Variants in GBE1 observed in about 807,000 individuals in gnomAD.
GBE1 encodes the protein 1,4-alpha-glucan branching enzyme 1, also known as 1,4-alpha-glucan-branching enzyme.
A neutral mutation model predicts 88.8 loss-of-function variants in GBE1; 70 were observed. That is an observed-to-expected ratio of 0.79 (90% CI 0.65 to 0.96). The LOEUF is 0.96. GBE1 is among the 40% of genes least tolerant of loss of function. The probability of loss-of-function intolerance (pLI) is 0.00; values close to 1 mark genes in which losing one functional copy is unlikely to be tolerated. For synonymous variants in GBE1, 284 were observed against 300.1 expected (o/e 0.95, Z 0.56); for missense variants, 872 against 871.0 (o/e 1.00, Z -0.01).
At chr3:81,628,514 G>A (rs1704451441) in intron 7 of GBE1, among the ~76,000 whole-genome samples, 1 of 151,886 alleles carries the variant, frequency 6.6e-6, no homozygotes, top group African/African-American at 2.4e-5. Context: ...TCTGATCAGA[G>A]TTAGGCAAAA....
chr3:81,683,796 G>T (rs1198601736), intron 2 of GBE1, among the ~76,000 whole-genome samples: 5 of 152,130 alleles, frequency 3.3e-5, no homozygotes, highest in African/African-American at 4.8e-5. Flanking sequence ...ACAAAGAATT[G>T]AGGGAGGGAT....
chr3:81,520,331 A>G (rs1702856248), intron 14 of GBE1, among the ~76,000 whole-genome samples: 1 of 151,560 alleles, frequency 6.6e-6, no homozygotes, highest in African/African-American at 2.4e-5. Flanking sequence ...AACGTTTCAA[A>G]CTTTTTCATT....
At chr3:81,639,384 A>G (rs1156875691) in intron 7 of GBE1, among the ~76,000 whole-genome samples, 1 of 151,998 alleles carries the variant, frequency 6.6e-6, no homozygotes, top group South Asian at 2.1e-4. Flanking sequence ...TAACTCTCTG[A>G]TAATTCTCAT....
intron 2 of GBE1, among the ~76,000 whole-genome samples, chr3:81,689,005 T>C (rs866710438): frequency 6.6e-6 from 1 of 152,204 alleles, no homozygotes; most frequent in East Asian, 1.9e-4. Context: ...AAATTATCTA[T>C]GCCCAAACAC....
intron 1 of GBE1, among the ~76,000 whole-genome samples, chr3:81,713,320 T>C (rs1379999525): frequency 6.6e-6 from 1 of 152,160 alleles, no homozygotes; most frequent in South Asian, 2.1e-4. Context: ...GCATTACATG[T>C]GTAAAAATTG....
chr3:81,579,934 T>C (rs994948406), intron 11 of GBE1, among the ~76,000 whole-genome samples: 1 of 152,150 alleles, frequency 6.6e-6, no homozygotes, highest in Non-Finnish European at 1.5e-5. Context: ...CAAATCAGCA[T>C]GGCTGTGTTC....
chr3:81,675,532 T>G (rs1705240291), intron 2 of GBE1, among the ~76,000 whole-genome samples: 1 of 152,072 alleles, frequency 6.6e-6, no homozygotes, highest in Non-Finnish European at 1.5e-5. Flanking sequence ...ACAGATAATA[T>G]TCTCTATGAT....
chr3:81,540,282 A>G (rs1703127718), intron 12 of GBE1, among the ~76,000 whole-genome samples: 1 of 151,970 alleles, frequency 6.6e-6, no homozygotes, highest in East Asian at 1.9e-4. Flanking sequence ...CCTACCCTCA[A>G]TGATATGGAT....
rs920990967 is a variant in GBE1 at position 81,700,461 on chromosome 3, G to A, written c.313+4983C>T. On this transcript the variant is annotated intron_variant, in intron 2 of 15. Coordinates refer to ENST00000429644, the MANE Select transcript of GBE1 (RefSeq NM_000158.4). ...GAAAGAAAAAATATTTAAAACTCAA[G>A]CCCAAGTTTTTGTATTGTAATTATT... Among the ~76,000 whole-genome samples the A allele has an allele frequency of 2.6e-5, 4 of 151,942 alleles. No individual in the cohort carries two copies. The South Asian group carries it at 8.3e-4, about 32-fold the overall frequency.
At chr3:81,711,293 G>C (rs1705861977) in intron 1 of GBE1, among the ~76,000 whole-genome samples, 1 of 152,172 alleles carries the variant, frequency 6.6e-6, no homozygotes, top group African/African-American at 2.4e-5. Context: ...CTTCCTATGG[G>C]AGGCTTGGAT....
intron 9 of GBE1, among the ~76,000 whole-genome samples, 179 bp downstream of exon 9, chr3:81,590,858 T>G (rs1283075338): frequency 6.6e-6 from 1 of 152,076 alleles, no homozygotes; most frequent in East Asian, 1.9e-4. Context: ...TATCTTCTAA[T>G]AGGGAAACAG....
chr3:81,636,991 T>G (rs774619958), intron 7 of GBE1, among the ~76,000 whole-genome samples: 14 of 152,198 alleles, frequency 9.2e-5, no homozygotes, highest in Non-Finnish European at 2.1e-4. Context: ...AGTCCAAGAC[T>G]GCCAGTGGAT....
intron 14 of GBE1, among the ~76,000 whole-genome samples, chr3:81,521,729 T>C (rs1702876792): frequency 6.6e-6 from 1 of 151,528 alleles, no homozygotes; most frequent in Non-Finnish European, 1.5e-5. Context: ...TCTTTTCTAA[T>C]AGGTTAGAGG....
intron 7 of GBE1, among the ~76,000 whole-genome samples, chr3:81,600,304 T>C (rs376256385): frequency 1.3e-5 from 2 of 152,028 alleles, no homozygotes; most frequent in East Asian, 3.9e-4. Context: ...AAATAAGCTA[T>C]TATAATAATT....
intron 14 of GBE1, among the ~76,000 whole-genome samples, chr3:81,504,920 G>A (rs1702634602): frequency 6.6e-6 from 1 of 152,174 alleles, no homozygotes; most frequent in African/African-American, 2.4e-5. Context: ...GAAATTTATT[G>A]TAAGGTACAA....
chr3:81,671,096 C>T, intron 2 of GBE1, 143 bp from the exon 3 acceptor site: 1 of 435,784 alleles, frequency 2.3e-6, no homozygotes, highest in Non-Finnish European at 4.0e-6. Flanking sequence ...AATCAAAATA[C>T]TAGTGGTTTA....
At chr3:81,558,588 C>A (rs957156098) in intron 12 of GBE1, among the ~76,000 whole-genome samples, 2 of 151,914 alleles carry the variant, frequency 1.3e-5, no homozygotes, top group Non-Finnish European at 2.9e-5. Flanking sequence ...CAAGACAAAA[C>A]AAGATAGCAG....
At chr3:81,506,728 C>T (rs1479179201) in intron 14 of GBE1, among the ~76,000 whole-genome samples, 1 of 152,178 alleles carries the variant, frequency 6.6e-6, no homozygotes, top group African/African-American at 2.4e-5. Context: ...CCATGGAATG[C>T]TATGCAGCTA....
chr3:81,642,279 G>A (rs1043128616), intron 7 of GBE1, among the ~76,000 whole-genome samples: 1 of 151,930 alleles, frequency 6.6e-6, no homozygotes, highest in Non-Finnish European at 1.5e-5. Context: ...AAAATAGGTA[G>A]CTAATATATC....
Sources: allele counts gnomAD v4.1 joint callset (sites outside exome capture counted in the v4.1 genomes callset), GRCh38; gene constraint gnomAD v4.1.1; transcripts MANE v1.5; gene names NCBI Gene and HGNC (gene_info 2026-07-23, HGNC 2026-07-21).